The following DLG2 variants were observed in gnomAD, a reference collection of about 807,000 sequenced individuals.
The protein encoded by DLG2 is disks large homolog 2.
DLG2 carries 45 observed loss-of-function variants against 132.5 expected under a neutral mutation model. The ratio of observed to expected loss-of-function variants is 0.34; its 90% CI spans 0.27 to 0.44. The LOEUF is 0.44. Ranked by LOEUF, DLG2 falls within the 20% of genes least tolerant of loss-of-function variation. The pLI, the probability that DLG2 is intolerant of heterozygous loss-of-function variation, is 1.00. For synonymous variants in DLG2, 424 were observed against 419.6 expected (o/e 1.01, Z -0.13); for missense variants, 1,045 against 1,196.9 (o/e 0.87, Z 1.87).
chr11:83,517,840 T>C (rs1195344356), intron 21 of DLG2, among the ~76,000 whole-genome samples: 1 of 152,160 alleles, frequency 6.6e-6, no homozygotes, highest in Non-Finnish European at 1.5e-5. Context: ...ACAGCGGATA[T>C]TGGTGAACAG....
intron 16 of DLG2, 108 bp from the exon 17 acceptor site, chr11:83,833,878 T>C: frequency 8.4e-7 from 1 of 1,192,842 alleles, no homozygotes; most frequent in Non-Finnish European, 1.1e-6. Flanking sequence ...ACTTGTAAAA[T>C]TGTTTCTCAA....
At chr11:84,117,851 A>AT (rs2093708519) in intron 9 of DLG2, among the ~76,000 whole-genome samples, 1 of 151,808 alleles carries the variant, frequency 6.6e-6, no homozygotes, top group African/African-American at 2.4e-5. Flanking sequence ...TATAGGCTTT[A>AT]TTTATTTATT....
At chr11:84,551,561 C>A (rs2099401925) in intron 6 of DLG2, among the ~76,000 whole-genome samples, 3 of 152,154 alleles carry the variant, frequency 2.0e-5, no homozygotes, top group South Asian at 4.1e-4. Context: ...GGAGTAGTTA[C>A]TGTTTTATTT....
intron 11 of DLG2, among the ~76,000 whole-genome samples, chr11:84,017,453 TTC>T (rs1414940741): frequency 6.6e-6 from 1 of 152,060 alleles, no homozygotes; most frequent in Non-Finnish European, 1.5e-5. Flanking sequence ...TAAATTGTTA[TTC>T]TGAGATCAAA....
At chr11:84,534,784 G>A (rs745560120) in intron 6 of DLG2, 53 bp from the exon 7 acceptor site, 402 of 1,578,568 alleles carry the variant, frequency 2.5e-4, no homozygotes, top group Non-Finnish European at 3.2e-4. Context: ...GTTTGTAAAG[G>A]ATATAGACTG....
At chr11:84,954,248 C>G (rs2051332076) in intron 6 of DLG2, among the ~76,000 whole-genome samples, 1 of 151,442 alleles carries the variant, frequency 6.6e-6, no homozygotes, top group Non-Finnish European at 1.5e-5. Context: ...GTGCTTTCAC[C>G]AACTGAGTCA....
intron 6 of DLG2, 167 bp from the exon 7 acceptor site, chr11:84,534,898 G>C (rs968009204): frequency 9.4e-5 from 75 of 799,432 alleles, no homozygotes; most frequent in Non-Finnish European, 1.4e-4. Flanking sequence ...CATAGACCAG[G>C]TCAAATGCAA....
intron 7 of DLG2, among the ~76,000 whole-genome samples, chr11:84,271,114 G>C (rs185159903): frequency 6.6e-6 from 1 of 152,230 alleles, no homozygotes; most frequent in Non-Finnish European, 1.5e-5. Context: ...TTTATAAAGA[G>C]TTATTCTTAA....
At chr11:84,132,534 T>C (rs1220467407) in intron 9 of DLG2, among the ~76,000 whole-genome samples, 5 of 152,084 alleles carry the variant, frequency 3.3e-5, no homozygotes, top group African/African-American at 1.2e-4. Context: ...ACTCTGTCAC[T>C]GAATACTAAC....
intron 19 of DLG2, among the ~76,000 whole-genome samples, chr11:83,578,888 C>T (rs796514265): frequency 1.2e-4 from 18 of 152,312 alleles, no homozygotes; most frequent in African/African-American, 3.4e-4. Flanking sequence ...CTTAAGGATT[C>T]AAGTCATACA....
chr11:84,600,126 G>C (rs2099572206), intron 6 of DLG2, among the ~76,000 whole-genome samples: 1 of 119,822 alleles, frequency 8.3e-6, no homozygotes, highest in Admixed American at 9.3e-5. Context: ...AGGAAAGAAA[G>C]AGAAAGAAAG....
chr11:83,584,047 T>C (rs756709890), intron 19 of DLG2, among the ~76,000 whole-genome samples: 1 of 152,208 alleles, frequency 6.6e-6, no homozygotes. Context: ...CTGATTCACA[T>C]TAATTTTGTG....
chr11:83,636,281 A>C (rs1284431215), intron 18 of DLG2, among the ~76,000 whole-genome samples: 1 of 152,170 alleles, frequency 6.6e-6, no homozygotes, highest in African/African-American at 2.4e-5. Context: ...CTCTGAGGGC[A>C]GGAAATATTT....
At position 83,929,831 on chromosome 11, in the gene DLG2, G is replaced by C. The variant is rs559822578; in HGVS notation, c.1496+497C>G. Among the ~76,000 whole-genome samples the C allele has an allele frequency of 2.1e-4, 32 of 152,198 alleles. No individual in the cohort carries two copies. In the South Asian group the frequency reaches 3.7e-3, roughly 18 times the overall value. On this transcript the variant is annotated intron_variant, in intron 15 of 27. Transcript: ENST00000376104. ...CAACTAATCCTGTAGTTTTGGACAA[G>C]TTGCTTAATACCTTAAAGACTCAGT...
intron 16 of DLG2, among the ~76,000 whole-genome samples, chr11:83,852,482 T>C (rs2059943437): frequency 6.6e-6 from 1 of 152,196 alleles, no homozygotes; most frequent in African/African-American, 2.4e-5. Flanking sequence ...AGTTAAGATA[T>C]GTATGTAAGA....
At position 84,878,258 on chromosome 11, in the gene DLG2, C is replaced by T. The variant is rs571362136; in HGVS notation, c.357+233403G>A. 4.6e-5 allele frequency among the ~76,000 whole-genome samples: 7 copies of T among 152,264 alleles called. No individual in the cohort carries two copies. The East Asian group carries it at 9.6e-4, about 21-fold the overall frequency. ...AATCATTCTACTATAAAGACATATG[C>T]ACATGCATGTTCATTGCAGCACTAT... On this transcript the variant is annotated intron_variant, in intron 6 of 27. Transcript: ENST00000376104.
At chr11:83,909,465 CCACTGTCAAAGACCT>C (rs1428062532) in intron 15 of DLG2, among the ~76,000 whole-genome samples, 1 of 152,146 alleles carries the variant, frequency 6.6e-6, no homozygotes, top group Non-Finnish European at 1.5e-5. Flanking sequence ...ACAATGGAAG[CCACTGTCAAAGACCT>C]CACTTACATC....
intron 4 of DLG2, among the ~76,000 whole-genome samples, chr11:85,179,172 A>C (rs966601242): frequency 2.0e-5 from 3 of 151,882 alleles, no homozygotes; most frequent in Non-Finnish European, 4.4e-5. Flanking sequence ...AAGTAATAGA[A>C]CATATGCTCA....
chr11:84,889,704 T>C (rs187647986), intron 6 of DLG2, among the ~76,000 whole-genome samples: 24 of 152,306 alleles, frequency 1.6e-4, no homozygotes, highest in Admixed American at 4.6e-4. Flanking sequence ...TATCAGAAAA[T>C]TATAAACAGT....
Sources: gnomAD v4.1 joint callset for allele counts (sites outside exome capture counted in the v4.1 genomes callset) on GRCh38, gnomAD v4.1.1 for gene constraint, MANE v1.5 for transcripts, NCBI Gene and HGNC (gene_info 2026-07-23, HGNC 2026-07-21) for gene names.